Variants in GIT1 observed in about 807,000 individuals in gnomAD.
The protein encoded by GIT1 is GIT ArfGAP 1.
GIT1 carries 14 observed loss-of-function variants against 91.7 expected under a neutral mutation model. That is an observed-to-expected ratio of 0.15 (90% CI 0.10 to 0.24). The LOEUF (loss-of-function observed/expected upper bound fraction) is 0.24, where lower values mean the gene tolerates loss of function less well. Among genes scored for constraint, GIT1 ranks in the 10% least tolerant of loss-of-function variants. The pLI is 1.00. For synonymous variants in GIT1, 414 were observed against 418.2 expected, an observed-to-expected ratio of 0.99 and a Z score of 0.12; for missense variants, 717 against 1,024.9, an observed-to-expected ratio of 0.70 and a Z score of 4.10.
chr17:29,584,652 C>A (rs995046948), intron 1 of GIT1, among the ~76,000 whole-genome samples: 1 of 152,236 alleles, frequency 6.6e-6, no homozygotes, highest in African/African-American at 2.4e-5. Flanking sequence ...CAGCGGCCCC[C>A]ACCCTGTCTC....
At chr17:29,577,042 C>T (rs753056334) in intron 11 of GIT1, 46 bp from the exon 12 acceptor site, 1 of 1,606,908 alleles carries the variant, frequency 6.2e-7, no homozygotes, top group Non-Finnish European at 8.5e-7. Context: ...ACCACACAAC[C>T]CATCTCTCAG....
At position 29,575,967 on chromosome 17, in the gene GIT1, C is replaced by T. The variant is rs770211048; in HGVS notation, c.1666-69G>A. 69 of 1,533,288 alleles carry T rather than the reference C, an allele frequency of 4.5e-5. No homozygotes were observed. Among genetic ancestry groups the T allele is most frequent in the Non-Finnish European group, 5.9e-5 (66 of 1,110,228 alleles). The allele number at this position is 1,533,288 out of a possible 1,614,324, so 95.0% of individuals were successfully genotyped here. On this transcript the variant is annotated intron_variant, in intron 15 of 19. Coordinates refer to ENST00000225394, the MANE Select transcript of GIT1 (RefSeq NM_014030.4). The surrounding 1 kb of genome is among the most constrained non-coding windows in gnomAD (Gnocchi z 5.5). ...GCCCCCCTGCTCACCAGCAGTGCAG[C>T]AGGGACCAGGTCAGTCTAATCATCT... is the stretch of plus-strand genomic sequence containing the variant.
intron 9 of GIT1, among the ~76,000 whole-genome samples, 155 bp from the exon 10 acceptor site, chr17:29,577,897 G>A (rs527259767): frequency 1.1e-4 from 17 of 152,362 alleles, no homozygotes; most frequent in Admixed American, 3.3e-4. Context: ...GAGCTAGGCC[G>A]GGCCAGGGCA....
Position 29,576,324 on chromosome 17 carries a change from C to G in GIT1, c.1507G>C (p.Asp503His). 6.2e-7 allele frequency: 1 copy of G among 1,613,192 alleles called. No homozygotes were observed. Among genetic ancestry groups the G allele is most frequent in the South Asian group, 1.1e-5 (1 of 91,076 alleles). ...MAPGGSTHRR[D>H]RQAFSMYEPG... is the part of the protein sequence containing the mutation. Reference sequence around the variant, plus strand: ...TCATACATGGAAAAGGCCTGGCGATCCCTGCGGTGTGTGCTCCCGCCTGGC... The same window carrying G: ...TCATACATGGAAAAGGCCTGGCGATGCCTGCGGTGTGTGCTCCCGCCTGGC... Residue 503 changes from aspartate (D) to histidine (H), a missense_variant, in exon 14 of 20, where the codon GAT becomes CAT. Coordinates refer to ENST00000225394, the MANE Select transcript of GIT1 (RefSeq NM_014030.4).
chr17:29,587,829 C>T (rs1246928425), intron 1 of GIT1, among the ~76,000 whole-genome samples: 1 of 152,202 alleles, frequency 6.6e-6, no homozygotes, highest in Admixed American at 6.5e-5. Context: ...CTAAGACTCT[C>T]CTCCACATTC....
intron 15 of GIT1, 69 bp downstream of exon 15, chr17:29,576,009 C>G: frequency 6.4e-7 from 1 of 1,572,646 alleles, no homozygotes; most frequent in African/African-American, 1.3e-5. Flanking sequence ...CCGAATTCAG[C>G]ACAGAGCCCA....
chr17:29,576,991 G>T lies in GIT1; in HGVS notation c.1099C>A (p.Leu367Ile), dbSNP rs760678265. 1 of 1,603,380 alleles carries T rather than the reference G, an allele frequency of 6.2e-7. No individual in the cohort carries two copies. The highest frequency in any genetic ancestry group is 1.1e-5 in the South Asian group (1 of 91,080). ...CTCTGGCTCCGCAGAGACAGCTCGA[G>T]GTTGTCTGAGGACACAGGAGTGTCA... is the stretch of plus-strand genomic sequence containing the variant. The part of the protein sequence containing the change: ...GKSLSSPTDN[L>I]ELSLRSQSDL... The change falls in exon 12 of 20, where the codon CTC becomes ATC. Residue 367 changes from leucine to isoleucine, a missense_variant. Coordinates refer to ENST00000225394, the MANE Select transcript of GIT1 (RefSeq NM_014030.4).
At position 29,574,086 on chromosome 17, in the gene GIT1, C is replaced by CAGTT. The variant is rs1185719888; in HGVS notation, c.*612_*615dup. ...CAACACGCAGGCACGCGGGGGCACT[C>CAGTT]AGTTACCACAAAGTTAAAATTAAGG... On this transcript the variant is annotated 3_prime_UTR_variant, in exon 20 of 20. Coordinates refer to ENST00000225394, the MANE Select transcript of GIT1 (RefSeq NM_014030.4). The CAGTT allele has an allele frequency of 6.6e-6, 1 of 151,626 alleles. No homozygotes were observed. The highest frequency in any genetic ancestry group is 1.5e-5 in the Non-Finnish European group (1 of 68,120). 9.4% of individuals were successfully genotyped at this position (151,626 alleles called of 1,614,324 possible). A position where few individuals can be genotyped will look rare whatever the true frequency, so the allele number is the denominator to read the frequency against.
At chr17:29,582,522 G>A (rs1340621977) in intron 4 of GIT1, among the ~76,000 whole-genome samples, 176 bp downstream of exon 4, 2 of 152,182 alleles carry the variant, frequency 1.3e-5, no homozygotes, top group African/African-American at 4.8e-5. Context: ...TTGCTGGGGA[G>A]CCTCAGCCAC....
intron 12 of GIT1, 47 bp downstream of exon 12, chr17:29,576,816 G>T (rs1236185267): frequency 1.9e-6 from 3 of 1,576,206 alleles, no homozygotes; most frequent in South Asian, 2.3e-5. Flanking sequence ...CTCAGCGAAG[G>T]CCTGGGTCAG....
chr17:29,585,050 C>G (rs75492270), intron 1 of GIT1, among the ~76,000 whole-genome samples: 3,545 of 151,542 alleles, frequency 0.023, 151 homozygotes, highest in African/African-American at 0.082. Context: ...GACCCCCTCC[C>G]AATCAGGGCA....
chr17:29,579,018 G>C (rs1342536988), intron 7 of GIT1: 13 of 1,611,586 alleles, frequency 8.1e-6, no homozygotes, highest in Non-Finnish European at 1.1e-5. Context: ...GCAGAGGGAA[G>C]AACAGGACAG....
At chr17:29,585,259 C>T (rs867140747) in intron 1 of GIT1, among the ~76,000 whole-genome samples, 1 of 152,148 alleles carries the variant, frequency 6.6e-6, no homozygotes, top group Non-Finnish European at 1.5e-5. Context: ...CAGGGGGCTG[C>T]CAGCCAGCCA....
rs140974571 is a variant in GIT1 at position 29,582,788 on chromosome 17, C to T, written c.315G>A (p.Glu105=). 2.5e-5 allele frequency: 40 copies of T among 1,613,456 alleles called. No homozygotes were observed. The Middle Eastern group carries it at 8.3e-4, about 33-fold the overall frequency. ...PQDKVHPIKS[E]FIRAKYQMLA... is the part of the protein sequence containing the mutation. ...GCATCTGGTACTTGGCCCTGATGAA[C>T]TCTGACTTGATGGGGCTGCATGGGG... The change falls in exon 4 of 20, where the codon GAG becomes GAA. Residue 105 remains glutamate (E), a synonymous_variant. Transcript: ENST00000225394.
At chr17:29,578,037 G>A (rs1037848344) in intron 9 of GIT1, among the ~76,000 whole-genome samples, 2 of 152,214 alleles carry the variant, frequency 1.3e-5, no homozygotes, top group African/African-American at 4.8e-5. Flanking sequence ...GCGGTACCAG[G>A]GAGACAGCCA....
At chr17:29,583,407 G>C in intron 2 of GIT1, 76 bp downstream of exon 2, 2 of 1,491,932 alleles carry the variant, frequency 1.3e-6, no homozygotes, top group Non-Finnish European at 1.8e-6. Flanking sequence ...GGTGTATGTG[G>C]GTGAGGGGGA....
Position 29,574,783 on chromosome 17 carries a change from C to T in GIT1, c.2205G>A (p.Gln735=). The stretch of plus-strand genomic sequence containing the variant: ...TGTCATAGGCGCACTGGATCACCTG[C>T]TGAGTCAGCAGCTGGAAGTCCACTG... ...GAPVDFQLLT[Q]QVIQCAYDIA... The change falls in exon 20 of 20, where the codon CAG becomes CAA. Residue 735 remains glutamine (Q), a synonymous_variant. Coordinates refer to ENST00000225394, the MANE Select transcript of GIT1 (RefSeq NM_014030.4). 6.2e-7 allele frequency: 1 copy of T among 1,613,298 alleles called. No individual in the cohort carries two copies.
chr17:29,585,718 A>G (rs532955790), intron 1 of GIT1, among the ~76,000 whole-genome samples: 190 of 152,280 alleles, frequency 1.2e-3, no homozygotes, highest in South Asian at 3.7e-3. Context: ...CCTCTGTGCA[A>G]GTGCCCTTGG....
intron 7 of GIT1, 155 bp from the exon 8 acceptor site, chr17:29,578,934 G>C (rs771551840): frequency 6.2e-7 from 1 of 1,611,414 alleles, no homozygotes; most frequent in South Asian, 1.1e-5. Context: ...CCACCTTCAG[G>C]CCTGCTGCCC....
Sources: allele counts gnomAD v4.1 joint callset (sites outside exome capture counted in the v4.1 genomes callset), GRCh38; gene constraint gnomAD v4.1.1; non-coding constraint Gnocchi (gnomAD v3.1); transcripts MANE v1.5; gene names NCBI Gene and HGNC (gene_info 2026-07-23, HGNC 2026-07-21).